The following AGBL1 variants were observed in gnomAD, a reference collection of about 807,000 sequenced individuals.
AGBL1 encodes the protein AGBL carboxypeptidase 1.
A neutral mutation model predicts 118.9 loss-of-function variants in AGBL1; 130 were observed. The ratio of observed to expected loss-of-function variants is 1.09; its 90% CI spans 0.95 to 1.26. AGBL1 has a LOEUF of 1.26. Among genes scored for constraint, AGBL1 ranks in the 50% most tolerant of loss-of-function variants. The pLI, the probability that AGBL1 is intolerant of heterozygous loss-of-function variation, is 0.00. For synonymous variants in AGBL1, 555 were observed against 478.9 expected, an observed-to-expected ratio of 1.16 and a Z score of -2.08; for missense variants, 1,584 against 1,298.1, an observed-to-expected ratio of 1.22 and a Z score of -3.38.
chr15:86,232,955 T>C (rs948049057), intron 6 of AGBL1, among the ~76,000 whole-genome samples: 4 of 152,142 alleles, frequency 2.6e-5, no homozygotes, highest in Non-Finnish European at 5.9e-5. Flanking sequence ...ATAATGACTA[T>C]CAATAATTAC....
chr15:86,292,639 C>A (rs2079565822), intron 16 of AGBL1, among the ~76,000 whole-genome samples: 1 of 151,994 alleles, frequency 6.6e-6, no homozygotes, highest in South Asian at 2.1e-4. Context: ...TTATTGAGAC[C>A]TTAAAGCCTG....
intron 17 of AGBL1, among the ~76,000 whole-genome samples, chr15:86,396,988 A>G (rs1329830730): frequency 6.6e-6 from 1 of 152,162 alleles, no homozygotes; most frequent in Non-Finnish European, 1.5e-5. Context: ...TTTTGATGAC[A>G]GCCTTGAGCT....
intron 23 of AGBL1, among the ~76,000 whole-genome samples, chr15:86,923,166 T>A (rs1057038025): frequency 6.6e-6 from 1 of 152,224 alleles, no homozygotes; most frequent in African/African-American, 2.4e-5. Context: ...TTACACCAGA[T>A]AACTTTGAAC....
chr15:87,012,220 C>CACAA (rs2081567851), intron 24 of AGBL1, among the ~76,000 whole-genome samples: 1 of 144,518 alleles, frequency 6.9e-6, no homozygotes, highest in Admixed American at 6.8e-5. Context: ...CACACACACA[C>CACAA]ACACACACGC....
chr15:86,177,745 T>A (rs936086908), intron 5 of AGBL1, among the ~76,000 whole-genome samples: 1 of 152,162 alleles, frequency 6.6e-6, no homozygotes, highest in South Asian at 2.1e-4. Context: ...TTGAACTGAA[T>A]GAAATGAGTA....
rs577275951 is a variant in AGBL1 at position 87,010,467 on chromosome 15, C to T, written c.3324-18358C>T. On this transcript the variant is annotated intron_variant, in intron 24 of 24. Transcript: ENST00000441037. ...ATACACCACCCAACATGGATGAGTG[C>T]ATCCAATCAGCTAAGGGCTGATGTA... Among the ~76,000 whole-genome samples, 85 of 152,276 alleles carry T rather than the reference C, an allele frequency of 5.6e-4. 1 individual carries two copies. The highest frequency in any genetic ancestry group is 1.9e-3 in the African/African-American group (80 of 41,558).
intron 18 of AGBL1, among the ~76,000 whole-genome samples, chr15:86,437,483 T>A (rs1271979861): frequency 6.6e-6 from 1 of 152,210 alleles, no homozygotes; most frequent in African/African-American, 2.4e-5. Context: ...TTCTTCACAG[T>A]CTGGTGCTCT....
intron 17 of AGBL1, among the ~76,000 whole-genome samples, chr15:86,338,641 C>A (rs994861518): frequency 6.6e-6 from 1 of 152,052 alleles, no homozygotes; most frequent in African/African-American, 2.4e-5. Context: ...GAAGGCAGAA[C>A]AACAGATTTT....
At chr15:86,856,224 A>C (rs2079477516) in intron 22 of AGBL1, among the ~76,000 whole-genome samples, 2 of 152,100 alleles carry the variant, frequency 1.3e-5, no homozygotes, top group African/African-American at 4.8e-5. Flanking sequence ...CTGCCTCCCC[A>C]GAGGCTGAGA....
intron 21 of AGBL1, among the ~76,000 whole-genome samples, chr15:86,652,321 G>A (rs28727362): frequency 0.038 from 5,728 of 152,102 alleles, 374 homozygotes; most frequent in African/African-American, 0.13. Flanking sequence ...CCATTTCTGT[G>A]GTTCTTCCAG....
At chr15:86,304,453 T>C (rs190383575) in intron 17 of AGBL1, among the ~76,000 whole-genome samples, 134 of 152,324 alleles carry the variant, frequency 8.8e-4, no homozygotes, top group African/African-American at 2.9e-3. Context: ...CACATGACCT[T>C]GCTACTTTTT....
At chr15:86,644,472 C>A (rs1450209178) in intron 21 of AGBL1, among the ~76,000 whole-genome samples, 1 of 152,172 alleles carries the variant, frequency 6.6e-6, no homozygotes, top group Non-Finnish European at 1.5e-5. Flanking sequence ...CTTCCTGCTT[C>A]TATTGAGTCA....
chr15:86,327,881 G>T (rs569728238), intron 17 of AGBL1, among the ~76,000 whole-genome samples: 1 of 152,188 alleles, frequency 6.6e-6, no homozygotes, highest in Non-Finnish European at 1.5e-5. Flanking sequence ...CAGATGGGGT[G>T]TGTCGGGGTA....
intron 22 of AGBL1, among the ~76,000 whole-genome samples, chr15:86,731,748 A>G (rs2077530474): frequency 6.6e-6 from 1 of 152,210 alleles, no homozygotes; most frequent in African/African-American, 2.4e-5. Flanking sequence ...AAGATAACAG[A>G]GTAGCTTGCA....
chr15:86,522,331 A>C (rs554903213), intron 18 of AGBL1, among the ~76,000 whole-genome samples: 33 of 152,312 alleles, frequency 2.2e-4, no homozygotes, highest in Non-Finnish European at 4.1e-4. Context: ...CTAGATCTCC[A>C]GCCATTTAAT....
At chr15:86,736,496 A>G (rs530782414) in intron 22 of AGBL1, among the ~76,000 whole-genome samples, 29 of 152,262 alleles carry the variant, frequency 1.9e-4, no homozygotes, top group African/African-American at 6.3e-4. Flanking sequence ...TCCATGATCA[A>G]TTTTTTACAG....
chr15:86,897,578 C>A (rs761354892), intron 22 of AGBL1, among the ~76,000 whole-genome samples: 35 of 151,592 alleles, frequency 2.3e-4, no homozygotes, highest in Admixed American at 5.9e-4. Flanking sequence ...TTACATTTTT[C>A]TTATTCCTTG....
At chr15:86,474,179 C>A (rs955324886) in intron 18 of AGBL1, among the ~76,000 whole-genome samples, 1 of 152,168 alleles carries the variant, frequency 6.6e-6, no homozygotes, top group African/African-American at 2.4e-5. Context: ...TTCTGCATTT[C>A]CAACTGAGGT....
rs138829924 is a variant in AGBL1, at chr15:86,950,654, A to G, written c.3222-37333A>G. On this transcript the variant is annotated intron_variant, in intron 23 of 24. Transcript: ENST00000441037. ...GAGGATGGAATGGAAAGTCAGAGTG[A>G]AATGTACTTGCAATACAGAAATCCA... Among the ~76,000 whole-genome samples, 22 of 152,030 alleles carry G rather than the reference A, an allele frequency of 1.4e-4. 1 individual carries two copies. In the East Asian group the frequency reaches 4.3e-3, roughly 29 times the overall value.
Sources: gnomAD v4.1 joint callset for allele counts (sites outside exome capture counted in the v4.1 genomes callset) on GRCh38, gnomAD v4.1.1 for gene constraint, MANE v1.5 for transcripts, NCBI Gene and HGNC (gene_info 2026-07-23, HGNC 2026-07-21) for gene names.